Variants in AKAP12 observed in about 807,000 individuals in gnomAD.
AKAP12 encodes A-kinase anchoring protein 12, also known as A-kinase anchor protein 12.
Under a neutral mutation model 79.9 loss-of-function variants are expected in AKAP12, and 32 were observed. That is an observed-to-expected ratio of 0.40 (90% CI 0.30 to 0.54). The LOEUF is 0.54. Ranked by LOEUF, AKAP12 falls within the 20% of genes least tolerant of loss-of-function variation. The pLI, the probability that AKAP12 is intolerant of heterozygous loss-of-function variation, is 0.48. For synonymous variants in AKAP12, 808 were observed against 857.0 expected, an observed-to-expected ratio of 0.94 and a Z score of 1.00; for missense variants, 2,074 against 2,177.0, an observed-to-expected ratio of 0.95 and a Z score of 0.94.
Position 151,289,893 on chromosome 6 carries a change from C to T in AKAP12, c.163-15854C>T, listed in dbSNP as rs78648187. The stretch of plus-strand genomic sequence containing the variant: ...CAAAGACTGAGAGATGTTTAATTTG[C>T]AAATCCTTCAGGTGTGGAACTTGGA... On this transcript the variant is annotated intron_variant, in intron 2 of 4. Coordinates refer to ENST00000402676, the MANE Select transcript of AKAP12 (RefSeq NM_005100.4). Among the ~76,000 whole-genome samples, 197 of 152,336 alleles carry T rather than the reference C, an allele frequency of 1.3e-3. 1 individual carries two copies. The highest frequency in any genetic ancestry group is 8.1e-3 in the East Asian group (42 of 5,184).
At chr6:151,302,967 G>A (rs531575140) in intron 2 of AKAP12, among the ~76,000 whole-genome samples, 150 of 151,874 alleles carry the variant, frequency 9.9e-4, no homozygotes, top group Non-Finnish European at 1.1e-3. Flanking sequence ...AGGCTGAGGC[G>A]GGCGGATCAG....
chr6:151,301,983 A>G (rs1486871912), intron 2 of AKAP12, among the ~76,000 whole-genome samples: 1 of 150,604 alleles, frequency 6.6e-6, no homozygotes, highest in African/African-American at 2.4e-5. Context: ...CATCTAATGT[A>G]CTTTGCTATG....
chr6:151,253,771 AGT>A (rs1797237075), intron 2 of AKAP12, among the ~76,000 whole-genome samples: 1 of 151,854 alleles, frequency 6.6e-6, no homozygotes, highest in Admixed American at 6.6e-5. Flanking sequence ...TGGAGAGTGC[AGT>A]GGTGCTCACT....
chr6:151,325,071 C>T (rs1777489433), intron 3 of AKAP12: 1 of 985,324 alleles, frequency 1.0e-6, no homozygotes, highest in South Asian at 4.7e-5. Flanking sequence ...GAAGACAGCA[C>T]TTGTTAGAAG....
intron 2 of AKAP12, among the ~76,000 whole-genome samples, chr6:151,305,043 G>C (rs1438565083): frequency 6.6e-6 from 1 of 152,228 alleles, no homozygotes; most frequent in Non-Finnish European, 1.5e-5. Flanking sequence ...TTCGCGCCAA[G>C]CGGCCTCCCT....
At chr6:151,345,856 G>A (rs1439661643) in intron 3 of AKAP12, among the ~76,000 whole-genome samples, 1 of 148,570 alleles carries the variant, frequency 6.7e-6, no homozygotes, top group Non-Finnish European at 1.5e-5. Context: ...AATGACATTC[G>A]CATCCCCCAG....
chr6:151,265,994 G>C (rs1165525661), intron 2 of AKAP12, among the ~76,000 whole-genome samples: 1 of 152,216 alleles, frequency 6.6e-6, no homozygotes, highest in Non-Finnish European at 1.5e-5. Flanking sequence ...CTGGACTGAT[G>C]ATGGTGATTC....
At chr6:151,333,488 C>A (rs968273271) in intron 3 of AKAP12, among the ~76,000 whole-genome samples, 1 of 152,186 alleles carries the variant, frequency 6.6e-6, no homozygotes, top group Non-Finnish European at 1.5e-5. Context: ...CAGTGGCTCA[C>A]GCCTGTAATC....
At chr6:151,332,992 A>G (rs1777715716) in intron 3 of AKAP12, among the ~76,000 whole-genome samples, 1 of 152,206 alleles carries the variant, frequency 6.6e-6, no homozygotes, top group South Asian at 2.1e-4. Flanking sequence ...CATTGTGTGG[A>G]AAAGACCACT....
chr6:151,324,538 C>T (rs1777477643), intron 3 of AKAP12: 1 of 985,294 alleles, frequency 1.0e-6, no homozygotes, highest in Admixed American at 6.1e-5. Context: ...GTGGTCTACG[C>T]CGAGGCTCCC....
At chr6:151,319,868 T>A (rs1267237472) in intron 3 of AKAP12, 1 of 152,936 alleles carries the variant, frequency 6.5e-6, no homozygotes, top group Non-Finnish European at 1.5e-5. Context: ...AAACACGCGC[T>A]CAAGGTCCAT....
In AKAP12 at chr6:151,287,191, G is replaced by A. The variant is rs369156065; in HGVS notation, c.163-18556G>A. Among the ~76,000 whole-genome samples the A allele has an allele frequency of 2.9e-3, 436 of 152,018 alleles. 1 individual carries two copies. Among genetic ancestry groups the A allele is most frequent in the African/African-American group, 0.01 (428 of 41,458 alleles). On this transcript the variant is annotated intron_variant, in intron 2 of 4. Transcript: ENST00000402676. ...CCTGACCTTGTGATCCACCCGCCTC[G>A]GCCTCCCAGAGTGCTGGGATTACAG...
rs1160301110 is a variant in AKAP12 at position 151,332,043 on chromosome 6, T to TG, written c.320-16668_320-16667insG. 1.9e-4 allele frequency among the ~76,000 whole-genome samples: 28 copies of TG among 144,166 alleles called. 1 individual carries two copies. The highest frequency in any genetic ancestry group is 4.6e-4 in the South Asian group (2 of 4,328). 94.6% of individuals were successfully genotyped at this position (144,166 alleles called of 152,430 possible). On this transcript the variant is annotated intron_variant, in intron 3 of 4. Transcript: ENST00000402676. ...TCCAGTTCTGGGTCTGTTTTTTTTT[T>TG]TTTTTTTTTTTGAGACAGTCTCGCT...
intron 2 of AKAP12, among the ~76,000 whole-genome samples, chr6:151,254,375 G>A (rs781335029): frequency 2.7e-5 from 4 of 149,450 alleles, no homozygotes; most frequent in Non-Finnish European, 4.4e-5. Context: ...TGTTTGAGAC[G>A]GAGTTTCACT....
At chr6:151,313,183 T>C (rs1309339722) in intron 3 of AKAP12, among the ~76,000 whole-genome samples, 1 of 152,200 alleles carries the variant, frequency 6.6e-6, no homozygotes, top group Non-Finnish European at 1.5e-5. Context: ...AGGTGCTTGC[T>C]GTTGGTTAGC....
intron 2 of AKAP12, among the ~76,000 whole-genome samples, chr6:151,289,122 A>T (rs1776564305): frequency 6.6e-6 from 1 of 152,182 alleles, no homozygotes; most frequent in Non-Finnish European, 1.5e-5. Flanking sequence ...TCTTTTTAAA[A>T]TTTGCAACAA....
At chr6:151,318,480 G>GTTA (rs1562735980) in intron 3 of AKAP12, among the ~76,000 whole-genome samples, 4 of 152,186 alleles carry the variant, frequency 2.6e-5, no homozygotes. Flanking sequence ...CTTGATAGAT[G>GTTA]TCTGGCCATT....
chr6:151,340,221 C>T lies in AKAP12; in HGVS notation c.320-8490C>T, dbSNP rs556419132. On this transcript the variant is annotated intron_variant, in intron 3 of 4. Transcript: ENST00000402676. Reference sequence around the variant, plus strand: ...GTGCTGGGTTACAGTCATGAGCCACCGCGCCCAGCGGTGGTTTTTTTTTTT... The same window carrying T: ...GTGCTGGGTTACAGTCATGAGCCACTGCGCCCAGCGGTGGTTTTTTTTTTT... Among the ~76,000 whole-genome samples, 7 of 150,108 alleles carry T rather than the reference C, an allele frequency of 4.7e-5. No individual in the cohort carries two copies. The East Asian group carries it at 7.9e-4, about 17-fold the overall frequency.
At chr6:151,348,321 T>C (rs745683815) in intron 3 of AKAP12, 22 of 388,616 alleles carry the variant, frequency 5.7e-5, no homozygotes, top group Admixed American at 2.9e-5. Flanking sequence ...TGAGACTCTG[T>C]CTCAAAAAAA....
Sources: gnomAD v4.1 joint callset for allele counts (sites outside exome capture counted in the v4.1 genomes callset) on GRCh38, gnomAD v4.1.1 for gene constraint, MANE v1.5 for transcripts, NCBI Gene and HGNC (gene_info 2026-07-23, HGNC 2026-07-21) for gene names.